RBFOX1: variants seen among roughly 807,000 people sequenced by gnomAD.
RBFOX1 encodes RNA binding protein fox-1 homolog 1.
RBFOX1 carries 8 observed loss-of-function variants against 57.7 expected under a neutral mutation model. The ratio of observed to expected loss-of-function variants is 0.14; its 90% CI spans 0.08 to 0.25. The LOEUF (loss-of-function observed/expected upper bound fraction) is 0.25. Ranked by LOEUF, RBFOX1 falls within the 10% of genes least tolerant of loss-of-function variation. The pLI, the probability that RBFOX1 is intolerant of heterozygous loss-of-function variation, is 1.00. For synonymous variants in RBFOX1, 326 were observed against 222.4 expected (o/e 1.47, Z -4.15); for missense variants, 611 against 548.5 (o/e 1.11, Z -1.14).
chr16:5,733,713 T>A (rs1455348007), intron 3 of RBFOX1, among the ~76,000 whole-genome samples: 1 of 151,962 alleles, frequency 6.6e-6, no homozygotes, highest in Non-Finnish European at 1.5e-5. Flanking sequence ...TCCCTTTCCC[T>A]CTTACCTCTT....
At chr16:7,039,271 A>C (rs889375392) in intron 3 of RBFOX1, among the ~76,000 whole-genome samples, 1 of 152,182 alleles carries the variant, frequency 6.6e-6, no homozygotes, top group African/African-American at 2.4e-5. Context: ...TCTACTTAGT[A>C]CTTAGCCTTG....
chr16:6,981,604 G>C (rs1224428433), intron 3 of RBFOX1, among the ~76,000 whole-genome samples: 1 of 152,194 alleles, frequency 6.6e-6, no homozygotes. Context: ...TCACAGTCAT[G>C]ATGGGAGGCA....
intron 4 of RBFOX1, among the ~76,000 whole-genome samples, chr16:7,345,465 G>A (rs1483868804): frequency 3.3e-5 from 5 of 152,160 alleles, no homozygotes; most frequent in African/African-American, 1.2e-4. Context: ...TAATGAGCTG[G>A]GTTTTGTTTC....
At chr16:5,421,219 G>T (rs80108499) in intron 1 of RBFOX1, among the ~76,000 whole-genome samples, 1,704 of 151,784 alleles carry the variant, frequency 0.011, 32 homozygotes, top group African/African-American at 0.038. Context: ...TGTTGACCAG[G>T]GTGGTCTCGA....
intron 2 of RBFOX1, among the ~76,000 whole-genome samples, chr16:5,472,530 A>G (rs568979420): frequency 2.6e-5 from 4 of 152,232 alleles, no homozygotes; most frequent in African/African-American, 7.2e-5. Flanking sequence ...TTTTAATGCT[A>G]TCCCAGGGGT....
intron 2 of RBFOX1, among the ~76,000 whole-genome samples, chr16:5,518,400 A>G (rs537874455): frequency 5.3e-4 from 80 of 152,316 alleles, no homozygotes; most frequent in African/African-American, 1.9e-3. Context: ...ATGTGTCAAG[A>G]TCCCCTCTGC....
chr16:7,173,520 G>C (rs939298398), intron 4 of RBFOX1, among the ~76,000 whole-genome samples: 1 of 151,574 alleles, frequency 6.6e-6, no homozygotes, highest in African/African-American at 2.4e-5. Context: ...AAGTCATTTT[G>C]TCTCATTCCT....
rs76525921 is a variant in RBFOX1 at position 7,415,697 on chromosome 16, C to T, written c.28-102450C>T. Reference sequence around the variant, plus strand: ...CTACCAAGAAGCACTAGTTGAATTCCAAGAAGGCAAGAAAAGGGCTACCAT... The same window carrying T: ...CTACCAAGAAGCACTAGTTGAATTCTAAGAAGGCAAGAAAAGGGCTACCAT... On this transcript the variant is annotated intron_variant, in intron 4 of 15. Transcript: ENST00000550418. 7.0e-3 allele frequency among the ~76,000 whole-genome samples: 1,062 copies of T among 152,232 alleles called. 13 individuals are homozygous for T. Among genetic ancestry groups the T allele is most frequent in the African/African-American group, 0.025 (1,018 of 41,528 alleles).
At chr16:7,469,326 T>A (rs1221121835) in intron 4 of RBFOX1, among the ~76,000 whole-genome samples, 1 of 152,092 alleles carries the variant, frequency 6.6e-6, no homozygotes, top group East Asian at 1.9e-4. Context: ...CCTCCCAAAG[T>A]GCTGGGATTA....
chr16:6,917,629 G>T (rs1333409310), intron 3 of RBFOX1, among the ~76,000 whole-genome samples: 2 of 152,202 alleles, frequency 1.3e-5, no homozygotes, highest in Admixed American at 6.5e-5. Context: ...CTACACCGAA[G>T]TGGGAGTTAA....
intron 3 of RBFOX1, among the ~76,000 whole-genome samples, chr16:6,705,979 C>A (rs1021516796): frequency 3.9e-5 from 6 of 152,112 alleles, no homozygotes; most frequent in African/African-American, 1.4e-4. Context: ...GATGGTGCCA[C>A]TGAACTCCAG....
intron 2 of RBFOX1, among the ~76,000 whole-genome samples, chr16:6,602,524 G>T (rs2097865102): frequency 6.6e-6 from 1 of 152,138 alleles, no homozygotes; most frequent in African/African-American, 2.4e-5. Flanking sequence ...CCTCCAAGAG[G>T]TCTTGATGTT....
At chr16:5,351,501 C>T (rs1423520200) in intron 1 of RBFOX1, among the ~76,000 whole-genome samples, 1 of 152,158 alleles carries the variant, frequency 6.6e-6, no homozygotes, top group Non-Finnish European at 1.5e-5. Flanking sequence ...ATTGATGGGT[C>T]TCAGGAGGAG....
intron 4 of RBFOX1, among the ~76,000 whole-genome samples, chr16:7,502,083 T>C (rs760498749): frequency 6.6e-6 from 1 of 151,912 alleles, no homozygotes; most frequent in Non-Finnish European, 1.5e-5. Context: ...CTATCATTCA[T>C]TTTATGACAG....
chr16:7,018,995 A>C (rs1282373158), intron 3 of RBFOX1, among the ~76,000 whole-genome samples: 1 of 152,020 alleles, frequency 6.6e-6, no homozygotes, highest in East Asian at 1.9e-4. Flanking sequence ...ATAAGCAAAG[A>C]AGAAGCAAAA....
At chr16:5,589,987 C>T (rs1051590068) in intron 2 of RBFOX1, among the ~76,000 whole-genome samples, 1 of 152,084 alleles carries the variant, frequency 6.6e-6, no homozygotes, top group Non-Finnish European at 1.5e-5. Flanking sequence ...ACTGGGTTTT[C>T]TATTCCTGCC....
chr16:6,568,898 A>T (rs958139060), intron 2 of RBFOX1, among the ~76,000 whole-genome samples: 3 of 152,006 alleles, frequency 2.0e-5, no homozygotes, highest in Non-Finnish European at 4.4e-5. Context: ...CACTGCCCCC[A>T]AGTAGCTGGG....
At chr16:6,245,805 A>G (rs1330661286) in intron 1 of RBFOX1, among the ~76,000 whole-genome samples, 1 of 152,194 alleles carries the variant, frequency 6.6e-6, no homozygotes, top group Non-Finnish European at 1.5e-5. Context: ...TTTGAAGCCA[A>G]AGCCACTACA....
chr16:6,225,212 C>G (rs1046817537), intron 1 of RBFOX1, among the ~76,000 whole-genome samples: 8 of 115,734 alleles, frequency 6.9e-5, no homozygotes, highest in African/African-American at 2.3e-4. Flanking sequence ...AACTGAACTG[C>G]TAACTGAAGT....
Sources: allele counts gnomAD v4.1 joint callset (sites outside exome capture counted in the v4.1 genomes callset), GRCh38; gene constraint gnomAD v4.1.1; transcripts MANE v1.5; gene names NCBI Gene and HGNC (gene_info 2026-07-23, HGNC 2026-07-21).